Variants in PPP6R3 observed in about 807,000 individuals in gnomAD.
PPP6R3 encodes protein phosphatase 6 regulatory subunit 3.
In PPP6R3, 38 loss-of-function variants were observed where a neutral mutation model predicts 110.7. The observed-to-expected ratio is 0.34, with a 90% confidence interval of 0.26 to 0.45. The LOEUF (loss-of-function observed/expected upper bound fraction) is 0.45, where lower values mean the gene tolerates loss of function less well. Among genes scored for constraint, PPP6R3 ranks in the 20% least tolerant of loss-of-function variants. The pLI is 1.00. For synonymous variants in PPP6R3, 369 were observed against 373.5 expected, an observed-to-expected ratio of 0.99 and a Z score of 0.14; for missense variants, 870 against 1,062.4, an observed-to-expected ratio of 0.82 and a Z score of 2.52.
intron 1 of PPP6R3, among the ~76,000 whole-genome samples, chr11:68,484,549 G>T (rs1341571937): frequency 6.6e-6 from 1 of 151,044 alleles, no homozygotes; most frequent in Non-Finnish European, 1.5e-5. Flanking sequence ...TCATTTTTTT[G>T]AGTTTTAAGT....
intron 4 of PPP6R3, among the ~76,000 whole-genome samples, chr11:68,545,610 TC>T (rs2099346327): frequency 6.6e-6 from 1 of 152,188 alleles, no homozygotes; most frequent in Non-Finnish European, 1.5e-5. Context: ...CTAAGTGTGG[TC>T]CCTGAACCAG....
intron 14 of PPP6R3, among the ~76,000 whole-genome samples, chr11:68,580,019 G>A (rs974014850): frequency 6.6e-6 from 1 of 152,214 alleles, no homozygotes; most frequent in African/African-American, 2.4e-5. Flanking sequence ...AGGAGCCAAC[G>A]CATGGGAGGG....
At chr11:68,560,289 C>G (rs2099414206) in intron 8 of PPP6R3, among the ~76,000 whole-genome samples, 1 of 152,034 alleles carries the variant, frequency 6.6e-6, no homozygotes, top group African/African-American at 2.4e-5. Flanking sequence ...TTGAAAAAAT[C>G]AATAAAATTG....
intron 15 of PPP6R3, among the ~76,000 whole-genome samples, chr11:68,585,130 C>G (rs1566017605): frequency 6.6e-6 from 1 of 152,172 alleles, no homozygotes; most frequent in Non-Finnish European, 1.5e-5. Context: ...GGGAGTGCCT[C>G]CAGGCGTTTG....
intron 19 of PPP6R3, among the ~76,000 whole-genome samples, chr11:68,600,010 T>C (rs2099626452): frequency 6.6e-6 from 1 of 152,156 alleles, no homozygotes; most frequent in South Asian, 2.1e-4. Flanking sequence ...TAATCCCAGC[T>C]ACTCAGGAGG....
chr11:68,490,533 A>C (rs1466513411), intron 1 of PPP6R3, among the ~76,000 whole-genome samples: 1 of 151,974 alleles, frequency 6.6e-6, no homozygotes, highest in Non-Finnish European at 1.5e-5. Flanking sequence ...CGTCGTTATT[A>C]CTTCAAATAT....
At chr11:68,468,463 G>T (rs1341954419) in intron 1 of PPP6R3, among the ~76,000 whole-genome samples, 4 of 152,132 alleles carry the variant, frequency 2.6e-5, no homozygotes, top group African/African-American at 4.8e-5. Context: ...TTTTCACTGT[G>T]GACTTCTTGT....
chr11:68,610,195 T>C (rs990395332), intron 23 of PPP6R3, among the ~76,000 whole-genome samples, 172 bp downstream of exon 23: 2 of 152,166 alleles, frequency 1.3e-5, no homozygotes, highest in Non-Finnish European at 2.9e-5. Context: ...CCGACTGAGC[T>C]GAGAACTTAG....
chr11:68,602,944 T>G (rs2099636138), intron 21 of PPP6R3, among the ~76,000 whole-genome samples: 1 of 152,056 alleles, frequency 6.6e-6, no homozygotes, highest in Non-Finnish European at 1.5e-5. Flanking sequence ...AGAAAGTAAT[T>G]TTTAAAACAA....
At position 68,601,944 on chromosome 11, in the gene PPP6R3, GGCTGCCCTGGCAGTGCA is replaced by G; in HGVS notation, c.2277_2293del (p.Ala760ArgfsTer13). ...CCATGGACCCTCTGACTCCCAGTGC[GGCTGCCCTGGCAGTGCA>G]GCCAGAAGGTGCGTGCAGAGAGGCC... On this transcript the variant is annotated frameshift_variant, in exon 21 of 24. Transcript: ENST00000393800. LOFTEE classifies it high-confidence loss of function. 1 of 1,612,894 alleles carries G rather than the reference GGCTGCCCTGGCAGTGCA, an allele frequency of 6.2e-7. No homozygotes were observed. The highest frequency in any genetic ancestry group is 8.5e-7 in the Non-Finnish European group (1 of 1,179,538).
At chr11:68,470,201 TACAA>T (rs2098780553) in intron 1 of PPP6R3, among the ~76,000 whole-genome samples, 1 of 152,096 alleles carries the variant, frequency 6.6e-6, no homozygotes, top group African/African-American at 2.4e-5. Flanking sequence ...CATATGGTAA[TACAA>T]ACAGGGAGAA....
At chr11:68,580,376 G>A (rs1466330156) in intron 14 of PPP6R3, among the ~76,000 whole-genome samples, 1 of 152,220 alleles carries the variant, frequency 6.6e-6, no homozygotes, top group Non-Finnish European at 1.5e-5. Context: ...CTATTGGGTT[G>A]AGAACAGACT....
intron 12 of PPP6R3, among the ~76,000 whole-genome samples, chr11:68,572,999 T>C (rs2153792373): frequency 6.6e-6 from 1 of 150,768 alleles, no homozygotes; most frequent in Non-Finnish European, 1.5e-5. Context: ...AGCAAAAATC[T>C]CTGCAGTGTT....
At chr11:68,587,776 A>T in intron 15 of PPP6R3, 151 bp from the exon 16 acceptor site, 1 of 757,544 alleles carries the variant, frequency 1.3e-6, no homozygotes, top group Non-Finnish European at 2.3e-6. Flanking sequence ...TTGTGTCTGA[A>T]ATTATTTGAT....
chr11:68,513,243 T>A (rs2099119667), intron 1 of PPP6R3, among the ~76,000 whole-genome samples: 1 of 152,020 alleles, frequency 6.6e-6, no homozygotes, highest in African/African-American at 2.4e-5. Flanking sequence ...ATAAATCCCC[T>A]CTCATGTATC....
intron 2 of PPP6R3, among the ~76,000 whole-genome samples, chr11:68,535,828 C>T (rs986242774): frequency 1.3e-5 from 2 of 149,560 alleles, no homozygotes; most frequent in African/African-American, 4.9e-5. Flanking sequence ...AAAAATCAGC[C>T]GGGTGTGATG....
At chr11:68,515,984 G>A (rs665382) in intron 1 of PPP6R3, among the ~76,000 whole-genome samples, 148,750 of 152,324 alleles carry the variant, frequency 0.98, 72,712 homozygotes, top group East Asian at 1. Context: ...AATCAGCACC[G>A]TCCTCCATCT....
intron 16 of PPP6R3, 86 bp from the exon 17 acceptor site, chr11:68,590,574 C>G: frequency 1.5e-6 from 2 of 1,358,350 alleles, no homozygotes; most frequent in South Asian, 1.7e-5. Context: ...GTGTAAATAT[C>G]TTAAATTTGG....
intron 8 of PPP6R3, among the ~76,000 whole-genome samples, chr11:68,561,141 C>T (rs2099418048): frequency 2.0e-5 from 3 of 152,194 alleles, no homozygotes; most frequent in Admixed American, 2.0e-4. Flanking sequence ...CCCCCCTCGG[C>T]CTCCCAAAGT....
Sources: gnomAD v4.1 joint callset for allele counts (sites outside exome capture counted in the v4.1 genomes callset) on GRCh38, gnomAD v4.1.1 for gene constraint, MANE v1.5 for transcripts, NCBI Gene and HGNC (gene_info 2026-07-23, HGNC 2026-07-21) for gene names.